Variants in MAST2 observed in about 807,000 individuals in gnomAD.
The protein encoded by MAST2 is microtubule associated serine/threonine kinase 2.
Under a neutral mutation model 147.4 loss-of-function variants are expected in MAST2, and 70 were observed. The observed-to-expected ratio is 0.47, with a 90% CI of 0.39 to 0.58. MAST2 has a LOEUF of 0.58. Ranked by LOEUF, MAST2 falls within the 20% of genes least tolerant of loss-of-function variation. The pLI is 0.00. For synonymous variants in MAST2, 869 were observed against 896.8 expected (o/e 0.97, Z 0.55); for missense variants, 2,080 against 2,302.3 (o/e 0.90, Z 1.98).
Position 46,034,596 on chromosome 1 carries a change from C to G in MAST2, c.3927C>G (p.Ala1309=). Reference sequence around the variant, plus strand: ...GCTCCAGCGTGCCCAGTTCCCCAGCCGGCTCTGGGCACACACGGCCCAGCT... The same window carrying G: ...GCTCCAGCGTGCCCAGTTCCCCAGCGGGCTCTGGGCACACACGGCCCAGCT... ...SPSSSVPSSP[A]GSGHTRPSSL... The change falls in exon 29 of 29, where the codon GCC becomes GCG. Residue 1309 remains alanine (A), a synonymous_variant. Coordinates refer to ENST00000361297, the MANE Select transcript of MAST2 (RefSeq NM_015112.3). The G allele has an allele frequency of 1.2e-6, 2 of 1,614,060 alleles. No homozygotes were observed. The highest frequency in any genetic ancestry group is 1.7e-6 in the Non-Finnish European group (2 of 1,180,010).
At chr1:45,849,708 A>G (rs915759465) in intron 3 of MAST2, among the ~76,000 whole-genome samples, 3 of 152,072 alleles carry the variant, frequency 2.0e-5, no homozygotes, top group Non-Finnish European at 4.4e-5. Flanking sequence ...TTGTATTTTT[A>G]GTAGAGATGG....
intron 4 of MAST2, chr1:45,913,842 A>G: frequency 8.1e-7 from 1 of 1,233,694 alleles, no homozygotes; most frequent in Non-Finnish European, 1.0e-6. Context: ...GATGAAACGG[A>G]GGCAAGAGAG....
At chr1:45,883,005 C>T (rs1270384630) in intron 4 of MAST2, among the ~76,000 whole-genome samples, 1 of 152,104 alleles carries the variant, frequency 6.6e-6, no homozygotes. Flanking sequence ...ATCAGAATCT[C>T]CTGGAATGTT....
At chr1:45,872,927 G>A (rs1381429959) in intron 3 of MAST2, among the ~76,000 whole-genome samples, 1 of 152,016 alleles carries the variant, frequency 6.6e-6, no homozygotes. Flanking sequence ...CTTTTATTTT[G>A]TTCAATATAG....
intron 3 of MAST2, among the ~76,000 whole-genome samples, chr1:45,849,586 G>A (rs1042971866): frequency 2.0e-5 from 3 of 151,366 alleles, no homozygotes; most frequent in African/African-American, 7.3e-5. Flanking sequence ...GAGTGCAGTG[G>A]CGCGATCTAG....
chr1:45,954,656 G>A (rs1358171678), intron 4 of MAST2, among the ~76,000 whole-genome samples: 1 of 152,164 alleles, frequency 6.6e-6, no homozygotes, highest in Non-Finnish European at 1.5e-5. Context: ...CTGGGGAAAT[G>A]GCCAGAGCCT....
chr1:45,965,481 G>C (rs12757810), intron 5 of MAST2, among the ~76,000 whole-genome samples: 67,774 of 151,808 alleles, frequency 0.45, 15,306 homozygotes, highest in East Asian at 0.63. Flanking sequence ...TTATGTAATG[G>C]CCTTCTTTGT....
At chr1:45,969,407 C>A (rs1183863108) in intron 5 of MAST2, among the ~76,000 whole-genome samples, 1 of 152,154 alleles carries the variant, frequency 6.6e-6, no homozygotes. Flanking sequence ...TGTTAGAAAC[C>A]AGGCCACACA....
Position 46,031,133 on chromosome 1 carries a change from G to A in MAST2, c.2835G>A (p.Glu945=). 1 of 1,609,922 alleles carries A rather than the reference G, an allele frequency of 6.2e-7. No individual in the cohort carries two copies. The highest frequency in any genetic ancestry group is 8.5e-7 in the Non-Finnish European group (1 of 1,177,174). The change falls in exon 23 of 29, where the codon GAG becomes GAA. Residue 945 remains glutamate, a synonymous_variant. Transcript: ENST00000361297. This position sits in a 1 kb window ranked among gnomAD's most constrained non-coding sequence, Gnocchi z 4.1. ...DAPRFPEGPE[E]ASSTLRRQPQ... Reference sequence around the variant, plus strand: ...CTCGGTTCCCGGAGGGCCCTGAGGAGGCCAGCAGCACCCTCAGGAGGCAAC... The same window carrying A: ...CTCGGTTCCCGGAGGGCCCTGAGGAAGCCAGCAGCACCCTCAGGAGGCAAC...
At chr1:45,821,515 C>CTTTTT (rs59159342) in intron 1 of MAST2, among the ~76,000 whole-genome samples, 1 of 70,916 alleles carries the variant, frequency 1.4e-5, no homozygotes, top group Non-Finnish European at 2.5e-5. Context: ...GTTATTTCTT[C>CTTTTT]TTTTTTTTTT....
intron 5 of MAST2, among the ~76,000 whole-genome samples, chr1:45,968,038 A>G (rs1019132198): frequency 1.3e-5 from 2 of 152,240 alleles, no homozygotes; most frequent in Non-Finnish European, 2.9e-5. Flanking sequence ...TTTAAGCACC[A>G]ACATGAACCT....
chr1:45,952,405 G>A (rs989864610), intron 4 of MAST2, among the ~76,000 whole-genome samples: 1 of 152,124 alleles, frequency 6.6e-6, no homozygotes. Flanking sequence ...CTGCTAATGG[G>A]TACAAGGTTT....
chr1:45,884,262 T>C (rs992088230), intron 4 of MAST2, among the ~76,000 whole-genome samples: 1 of 152,038 alleles, frequency 6.6e-6, no homozygotes, highest in Non-Finnish European at 1.5e-5. Context: ...TAATATCTAC[T>C]CTGGGTCAGG....
chr1:45,880,966 C>CAAAA (rs10660375), intron 3 of MAST2, among the ~76,000 whole-genome samples: 161 of 89,828 alleles, frequency 1.8e-3, no homozygotes, highest in African/African-American at 5.6e-3. Flanking sequence ...GACTCCATCT[C>CAAAA]AAAAAAAAAA....
chr1:45,970,310 C>G (rs1643867584), intron 5 of MAST2, among the ~76,000 whole-genome samples: 1 of 152,120 alleles, frequency 6.6e-6, no homozygotes, highest in Non-Finnish European at 1.5e-5. Context: ...CCAGCAATTC[C>G]TCAGTTACAG....
intron 3 of MAST2, among the ~76,000 whole-genome samples, chr1:45,869,081 C>T (rs1283884015): frequency 6.6e-6 from 1 of 152,122 alleles, no homozygotes; most frequent in Non-Finnish European, 1.5e-5. Flanking sequence ...CAGTCTTGTA[C>T]CTTTGTTTGT....
At chr1:45,841,683 A>T (rs1297902734) in intron 3 of MAST2, among the ~76,000 whole-genome samples, 1 of 152,128 alleles carries the variant, frequency 6.6e-6, no homozygotes, top group Non-Finnish European at 1.5e-5. Context: ...TGACAGCAGT[A>T]TAGGTTTAGA....
intron 5 of MAST2, among the ~76,000 whole-genome samples, chr1:45,966,861 CTTTTTTTT>C (rs58072402): frequency 2.7e-5 from 3 of 111,092 alleles, no homozygotes; most frequent in Non-Finnish European, 3.5e-5. Context: ...GGATCTGGGT[CTTTTTTTT>C]TTTTTTTTTT....
Position 46,031,332 on chromosome 1 carries a change from A to G in MAST2, c.2992+42A>G, listed in dbSNP as rs370244266. The G allele has an allele frequency of 1.2e-4, 190 of 1,563,466 alleles. No individual in the cohort carries two copies. Among genetic ancestry groups the G allele is most frequent in the Non-Finnish European group, 1.6e-4 (185 of 1,150,678 alleles). On this transcript the variant is annotated intron_variant, in intron 23 of 28. Coordinates refer to ENST00000361297, the MANE Select transcript of MAST2 (RefSeq NM_015112.3). This position sits in a 1 kb window ranked among gnomAD's most constrained non-coding sequence, Gnocchi z 4.1. ...GGCCAAACGACCTAAGCTGGAGGAT[A>G]CTGCAGGGCAGGGAGGCTCAGCGGC...
Sources: allele counts gnomAD v4.1 joint callset (sites outside exome capture counted in the v4.1 genomes callset), GRCh38; gene constraint gnomAD v4.1.1; non-coding constraint Gnocchi (gnomAD v3.1); transcripts MANE v1.5; gene names NCBI Gene and HGNC (gene_info 2026-07-23, HGNC 2026-07-21).